PCSK2: variants seen among roughly 807,000 people sequenced by gnomAD.
The protein encoded by PCSK2 is neuroendocrine convertase 2.
Under a neutral mutation model 69.7 loss-of-function variants are expected in PCSK2, and 14 were observed. That is an observed-to-expected ratio of 0.20 (90% CI 0.13 to 0.31). PCSK2 has a LOEUF of 0.31. Ranked by LOEUF, PCSK2 falls within the 10% of genes least tolerant of loss-of-function variation. The pLI, the probability that PCSK2 is intolerant of heterozygous loss-of-function variation, is 1.00. For synonymous variants in PCSK2, 307 were observed against 320.7 expected, an observed-to-expected ratio of 0.96 and a Z score of 0.46; for missense variants, 544 against 842.5, an observed-to-expected ratio of 0.65 and a Z score of 4.39.
intron 1 of PCSK2, among the ~76,000 whole-genome samples, chr20:17,232,291 C>T (rs1460655146): frequency 1.3e-5 from 2 of 152,170 alleles, no homozygotes; most frequent in African/African-American, 2.4e-5. Context: ...TTTACATTCC[C>T]TTCAGCAGTA....
Position 17,452,437 on chromosome 20 carries a change from T to C in PCSK2, c.886-1305T>C, listed in dbSNP as rs2032843716. Among the ~76,000 whole-genome samples, 3 of 152,198 alleles carry C rather than the reference T, an allele frequency of 2.0e-5. 1 individual carries two copies. In the South Asian group the frequency reaches 6.2e-4, roughly 32 times the overall value. On this transcript the variant is annotated intron_variant, in intron 8 of 11. Transcript: ENST00000262545. ...TAATTCCCAGTGCTGTTAGAAGTGA[T>C]TGAAAATGTCACATCTGATTGTCAG...
intron 2 of PCSK2, among the ~76,000 whole-genome samples, chr20:17,276,774 A>T (rs1313493031): frequency 1.3e-5 from 2 of 152,150 alleles, no homozygotes; most frequent in East Asian, 3.8e-4. Flanking sequence ...GAGGAAGTCA[A>T]ATTGTCCCTG....
At chr20:17,467,184 C>T (rs2033118944) in intron 11 of PCSK2, among the ~76,000 whole-genome samples, 1 of 152,210 alleles carries the variant, frequency 6.6e-6, no homozygotes, top group South Asian at 2.1e-4. Context: ...CTTGACTTCA[C>T]CAACTTAGAC....
chr20:17,301,365 G>A (rs1004127225), intron 2 of PCSK2, among the ~76,000 whole-genome samples: 5 of 152,194 alleles, frequency 3.3e-5, no homozygotes, highest in Non-Finnish European at 7.4e-5. Context: ...CCCCTTGGAG[G>A]AGTTAGGATA....
At chr20:17,430,464 C>T (rs1046920329) in intron 7 of PCSK2, among the ~76,000 whole-genome samples, 2 of 152,138 alleles carry the variant, frequency 1.3e-5, no homozygotes, top group Non-Finnish European at 2.9e-5. Context: ...GCTGACACTC[C>T]ATTTCCATGG....
chr20:17,294,650 AT>A (rs1217331246), intron 2 of PCSK2, among the ~76,000 whole-genome samples: 2 of 152,170 alleles, frequency 1.3e-5, no homozygotes, highest in Non-Finnish European at 2.9e-5. Context: ...GGGAAGCTCC[AT>A]TTGATCCTCC....
intron 2 of PCSK2, among the ~76,000 whole-genome samples, chr20:17,348,088 AAAGAAAGAAAGAAAG>A (rs1990746524): frequency 6.7e-6 from 1 of 148,860 alleles, no homozygotes. Context: ...AGAAAGAAAG[AAAGAAAGAAAGAAAG>A]AAAAGAAAAG....
At chr20:17,250,571 G>A (rs982628840) in intron 1 of PCSK2, among the ~76,000 whole-genome samples, 3 of 151,782 alleles carry the variant, frequency 2.0e-5, no homozygotes, top group Admixed American at 6.6e-5. Flanking sequence ...GATGTTTGCC[G>A]GCCACAATTA....
intron 2 of PCSK2, among the ~76,000 whole-genome samples, chr20:17,333,430 T>C (rs906820898): frequency 6.6e-6 from 1 of 152,184 alleles, no homozygotes; most frequent in African/African-American, 2.4e-5. Flanking sequence ...TATCCTGTTT[T>C]GGAGCATAAC....
chr20:17,294,879 T>C (rs1350758680), intron 2 of PCSK2, among the ~76,000 whole-genome samples: 1 of 152,156 alleles, frequency 6.6e-6, no homozygotes, highest in Non-Finnish European at 1.5e-5. Flanking sequence ...AAACTCTTAT[T>C]ACATAGGTAT....
chr20:17,232,398 G>C (rs901369013), intron 1 of PCSK2, among the ~76,000 whole-genome samples: 3 of 152,140 alleles, frequency 2.0e-5, no homozygotes, highest in African/African-American at 7.2e-5. Flanking sequence ...GTGTCTCATC[G>C]TGACTTTAAT....
chr20:17,450,066 C>T (rs1238012943), intron 8 of PCSK2, among the ~76,000 whole-genome samples: 3 of 95,148 alleles, frequency 3.2e-5, no homozygotes, highest in East Asian at 3.3e-4. Context: ...GTCTCACTGT[C>T]GCCTAGGCTG....
intron 2 of PCSK2, among the ~76,000 whole-genome samples, chr20:17,274,430 C>T (rs180836542): frequency 1.3e-5 from 2 of 152,260 alleles, no homozygotes; most frequent in African/African-American, 2.4e-5. Flanking sequence ...TCTGGTAGAA[C>T]GTGGTGGGAG....
At chr20:17,374,537 T>A (rs2030867294) in intron 5 of PCSK2, among the ~76,000 whole-genome samples, 1 of 152,140 alleles carries the variant, frequency 6.6e-6, no homozygotes, top group African/African-American at 2.4e-5. Flanking sequence ...CTTCTTGCTG[T>A]GTGCTGGGTT....
chr20:17,416,838 A>G (rs1462256686), intron 6 of PCSK2, among the ~76,000 whole-genome samples: 2 of 152,228 alleles, frequency 1.3e-5, no homozygotes, highest in African/African-American at 4.8e-5. Flanking sequence ...AATACTGTGC[A>G]GCCATAAAAA....
At chr20:17,345,735 C>G (rs143670660) in intron 2 of PCSK2, among the ~76,000 whole-genome samples, 1 of 152,286 alleles carries the variant, frequency 6.6e-6, no homozygotes, top group Non-Finnish European at 1.5e-5. Context: ...ATTCGGTGCT[C>G]TTTCACTGAA....
intron 6 of PCSK2, among the ~76,000 whole-genome samples, chr20:17,427,023 A>G (rs2032262362): frequency 1.3e-5 from 2 of 152,232 alleles, no homozygotes. Flanking sequence ...GGTTAAGAGC[A>G]GGGCTTTGGA....
intron 2 of PCSK2, among the ~76,000 whole-genome samples, chr20:17,263,607 C>G (rs1987478581): frequency 6.6e-6 from 1 of 152,168 alleles, no homozygotes; most frequent in Non-Finnish European, 1.5e-5. Context: ...CAAAATTTGT[C>G]TCCATTAGGA....
At chr20:17,326,355 T>C (rs55815890) in intron 2 of PCSK2, among the ~76,000 whole-genome samples, 23,227 of 152,078 alleles carry the variant, frequency 0.15, 2,262 homozygotes, top group Non-Finnish European at 0.22. Context: ...GTCTGAAAAT[T>C]GTCACAGCCA....
Sources: allele counts gnomAD v4.1 joint callset (sites outside exome capture counted in the v4.1 genomes callset), GRCh38; gene constraint gnomAD v4.1.1; transcripts MANE v1.5; gene names NCBI Gene and HGNC (gene_info 2026-07-23, HGNC 2026-07-21).